The following PLEKHG3 variants were observed in gnomAD, a reference collection of about 807,000 sequenced individuals.
PLEKHG3 encodes pleckstrin homology and RhoGEF domain containing G3.
A neutral mutation model predicts 94.9 loss-of-function variants in PLEKHG3; 62 were observed. The observed-to-expected ratio is 0.65, with a 90% CI of 0.53 to 0.81. PLEKHG3 has a LOEUF of 0.81. Ranked by LOEUF, PLEKHG3 falls within the 30% of genes least tolerant of loss-of-function variation. The pLI is 0.00. For synonymous variants in PLEKHG3, 614 were observed against 654.0 expected, an observed-to-expected ratio of 0.94 and a Z score of 0.93; for missense variants, 1,461 against 1,619.3, an observed-to-expected ratio of 0.90 and a Z score of 1.68.
chr14:64,749,969 G>A lies in PLEKHG3; in HGVS notation c.*6266G>A, dbSNP rs570507415. On this transcript the variant is annotated 3_prime_UTR_variant, in exon 17 of 17. Transcript: ENST00000247226. The surrounding 1 kb of genome is among the most constrained non-coding windows in gnomAD (Gnocchi z 4.7). ...CATCAACCCGAGCTTTCAAAGGCCA[G>A]GAAGGCCTCACCTCAGCTTAAAGAC... 13 of 1,614,206 alleles carry A rather than the reference G, an allele frequency of 8.1e-6. No individual in the cohort carries two copies. The East Asian group carries it at 2.2e-4, about 28-fold the overall frequency.
At position 64,728,031 on chromosome 14, in the gene PLEKHG3, C is replaced by T. The variant is rs757256013; in HGVS notation, c.351+49C>T. The T allele has an allele frequency of 5.4e-5, 66 of 1,218,712 alleles. 1 individual carries two copies. In the Admixed American group the frequency reaches 1.6e-3, roughly 29 times the overall value. 75.5% of individuals were successfully genotyped at this position (1,218,712 alleles called of 1,614,324 possible). A position where few individuals can be genotyped will look rare whatever the true frequency, so the allele number is the denominator to read the frequency against. Reference sequence around the variant, plus strand: ...ACAGTATTCTAGCAGAAGCCTGTTTCACCCTGGGAGGGAAGCTCTCAAAAG... The same window carrying T: ...ACAGTATTCTAGCAGAAGCCTGTTTTACCCTGGGAGGGAAGCTCTCAAAAG... On this transcript the variant is annotated intron_variant, in intron 2 of 16. Transcript: ENST00000247226. The surrounding 1 kb of genome is among the most constrained non-coding windows in gnomAD (Gnocchi z 5.9).
At chr14:64,710,521 A>G (rs1036814012) in intron 1 of PLEKHG3, among the ~76,000 whole-genome samples, 1 of 152,150 alleles carries the variant, frequency 6.6e-6, no homozygotes, top group Non-Finnish European at 1.5e-5. Context: ...GATAACAAAA[A>G]TTAGCTGGGC....
rs2081866402 is a variant in PLEKHG3 at position 64,747,556 on chromosome 14, G to A, written c.*3853G>A. 6.6e-6 allele frequency: 1 copy of A among 152,424 alleles called. No individual in the cohort carries two copies. 9.4% of individuals were successfully genotyped at this position (152,424 alleles called of 1,614,324 possible). On this transcript the variant is annotated 3_prime_UTR_variant, in exon 17 of 17. Coordinates refer to ENST00000247226, the MANE Select transcript of PLEKHG3 (RefSeq NM_001308147.2). ...CCTGTGGCTCCTGCCTGCTGCAGTT[G>A]GTGTCACCCTGACATATAGTGTCAG... is the stretch of plus-strand genomic sequence containing the variant.
chr14:64,727,508 C>CA lies in PLEKHG3; in HGVS notation c.-39-85_-39-84insA. The CA allele has an allele frequency of 2.4e-5, 11 of 464,648 alleles. No homozygotes were observed. The highest frequency in any genetic ancestry group is 2.5e-5 in the Non-Finnish European group (6 of 244,262). The allele number at this position is 464,648 out of a possible 1,614,324, so 28.8% of individuals were successfully genotyped here. A position where few individuals can be genotyped will look rare whatever the true frequency, so the allele number is the denominator to read the frequency against. ...ACTAAATAATACCTTCCCACCCCAC[C>CA]TGCCCCCACCCCTGGCAACCGTCCC... On this transcript the variant is annotated intron_variant, in intron 1 of 16. Coordinates refer to ENST00000247226, the MANE Select transcript of PLEKHG3 (RefSeq NM_001308147.2). This position sits in a 1 kb window ranked among gnomAD's most constrained non-coding sequence, Gnocchi z 6.0.
Position 64,742,969 on chromosome 14 carries a change from T to C in PLEKHG3, c.2939-13T>C. 3.7e-6 allele frequency: 6 copies of C among 1,613,150 alleles called. No individual in the cohort carries two copies. The highest frequency in any genetic ancestry group is 5.1e-6 in the Non-Finnish European group (6 of 1,179,852). On this transcript the variant is annotated splice_polypyrimidine_tract_variant and intron_variant, in intron 16 of 16. Coordinates refer to ENST00000247226, the MANE Select transcript of PLEKHG3 (RefSeq NM_001308147.2). ...CCGCCCCATGCTTCAGGCAGCTTGC[T>C]CTCTCCTCATAGGTAAGAGGAAGCC...
In PLEKHG3 at chr14:64,738,299, T is replaced by G; in HGVS notation, c.1405-443T>G. On this transcript the variant is annotated intron_variant, in intron 14 of 16. Coordinates refer to ENST00000247226, the MANE Select transcript of PLEKHG3 (RefSeq NM_001308147.2). This position sits in a 1 kb window ranked among gnomAD's most constrained non-coding sequence, Gnocchi z 4.8. ...TGCATGCCCACCCGAGGGCCCCCTC[T>G]GCTGCCCTCCTCACCCCACCCTGCC... The G allele has an allele frequency of 2.1e-6, 2 of 949,294 alleles. No individual in the cohort carries two copies. The highest frequency in any genetic ancestry group is 2.9e-6 in the Non-Finnish European group (2 of 690,800). 58.8% of individuals were successfully genotyped at this position (949,294 alleles called of 1,614,324 possible).
rs779527918 is a variant in PLEKHG3 at position 64,721,232 on chromosome 14, G to A, written c.-39-6361G>A. On this transcript the variant is annotated intron_variant, in intron 1 of 16. Transcript: ENST00000247226. The surrounding 1 kb of genome is among the most constrained non-coding windows in gnomAD (Gnocchi z 4.3). ...GATTGCTAAATGTGTATAGGCAGAG[G>A]GTCTGGGGACACATTCCAGGTTTGG... Among the ~76,000 whole-genome samples, 54 of 152,294 alleles carry A rather than the reference G, an allele frequency of 3.5e-4. No individual in the cohort carries two copies. The highest frequency in any genetic ancestry group is 6.3e-4 in the Non-Finnish European group (43 of 68,018).
chr14:64,719,077 A>G (rs1391869248), intron 1 of PLEKHG3, among the ~76,000 whole-genome samples: 1 of 152,130 alleles, frequency 6.6e-6, no homozygotes. Flanking sequence ...CCTGTTGGGT[A>G]TGGGTGTCAG....
Position 64,743,559 on chromosome 14 carries a change from C to T in PLEKHG3, c.3516C>T (p.Ala1172=). 1.2e-6 allele frequency: 2 copies of T among 1,612,920 alleles called. No individual in the cohort carries two copies. Among genetic ancestry groups the T allele is most frequent in the South Asian group, 1.1e-5 (1 of 91,078 alleles). The part of the protein sequence containing the change: ...SSGQGPSSPV[A]LLGQVQDFQQ... ...GCCAGGGACCAAGCTCACCGGTGGC[C>T]CTGCTGGGGCAGGTTCAGGACTTCC... The change falls in exon 17 of 17, where the codon GCC becomes GCT. Residue 1172 remains alanine (A), a synonymous_variant. Transcript: ENST00000247226. This position sits in a 1 kb window ranked among gnomAD's most constrained non-coding sequence, Gnocchi z 7.2.
chr14:64,733,165 T>TTC (rs1239311255), intron 12 of PLEKHG3, among the ~76,000 whole-genome samples: 1 of 78,580 alleles, frequency 1.3e-5, no homozygotes, highest in African/African-American at 5.6e-5. Context: ...TTTCTTTTTC[T>TTC]TTTTTTTTTT....
chr14:64,704,776 C>T lies in PLEKHG3; in HGVS notation c.-40+72C>T, dbSNP rs568729067. ...TAGGCTGAGCGGCGGTGCCGGCAGT[C>T]ACGCTGGGGCCCCAGTCCCTTCGCG... On this transcript the variant is annotated intron_variant, in intron 1 of 16. Coordinates refer to ENST00000247226, the MANE Select transcript of PLEKHG3 (RefSeq NM_001308147.2). This position sits in a 1 kb window ranked among gnomAD's most constrained non-coding sequence, Gnocchi z 5.6. 1.3e-5 allele frequency: 2 copies of T among 152,582 alleles called. No homozygotes were observed. The highest frequency in any genetic ancestry group is 4.1e-4 in the South Asian group (2 of 4,834). The allele number at this position is 152,582 out of a possible 1,614,324, so 9.5% of individuals were successfully genotyped here. A position where few individuals can be genotyped will look rare whatever the true frequency, so the allele number is the denominator to read the frequency against.
intron 12 of PLEKHG3, among the ~76,000 whole-genome samples, chr14:64,735,619 C>A (rs934713066): frequency 1.1e-4 from 17 of 152,092 alleles, no homozygotes; most frequent in African/African-American, 3.6e-4. Context: ...TGCAAAAAAA[C>A]AAAACAAAAC....
At chr14:64,736,922 G>A in intron 13 of PLEKHG3, 31 bp downstream of exon 13, 1 of 1,579,426 alleles carries the variant, frequency 6.3e-7, no homozygotes. Flanking sequence ...GCCATTCCCA[G>A]TGAGCGGGGG....
Position 64,743,141 on chromosome 14 carries a change from CCT to C in PLEKHG3, c.3100_3101del (p.Ser1034ArgfsTer18), listed in dbSNP as rs1463273591. ...AGGACCACCTCGCCTGGGGGCCGGC[CCT>C]CCGCCCGGAGCCCCCTCAGCCCCAC... On this transcript the variant is annotated frameshift_variant, in exon 17 of 17. Transcript: ENST00000247226. LOFTEE classifies it low-confidence loss of function (END_TRUNC). This position sits in a 1 kb window ranked among gnomAD's most constrained non-coding sequence, Gnocchi z 7.2. The C allele has an allele frequency of 1.9e-6, 3 of 1,611,458 alleles. No individual in the cohort carries two copies. The highest frequency in any genetic ancestry group is 2.5e-6 in the Non-Finnish European group (3 of 1,179,896).
intron 1 of PLEKHG3, among the ~76,000 whole-genome samples, chr14:64,712,353 C>T (rs2139361197): frequency 6.6e-6 from 1 of 151,294 alleles, no homozygotes; most frequent in East Asian, 1.9e-4. Flanking sequence ...TTGTCAATAT[C>T]TGCAAAAAAA....
intron 1 of PLEKHG3, among the ~76,000 whole-genome samples, chr14:64,724,830 T>C (rs1287348058): frequency 6.6e-6 from 1 of 152,096 alleles, no homozygotes; most frequent in East Asian, 1.9e-4. Flanking sequence ...AGTGCCTGAG[T>C]TCAAGTCCAG....
chr14:64,709,623 A>T (rs1381188149), intron 1 of PLEKHG3, among the ~76,000 whole-genome samples: 1 of 152,074 alleles, frequency 6.6e-6, no homozygotes, highest in Admixed American at 6.5e-5. Flanking sequence ...TGCAGGAGGA[A>T]TGAAGTCGAT....
At position 64,741,019 on chromosome 14, in the gene PLEKHG3, T is replaced by A; in HGVS notation, c.1519-17T>A. ...GGAGGCTTTTTACTCATGTGAGCCT[T>A]TTCTGCTATGTTTCAGGTTGAGCCG... On this transcript the variant is annotated splice_polypyrimidine_tract_variant and intron_variant, in intron 15 of 16. Coordinates refer to ENST00000247226, the MANE Select transcript of PLEKHG3 (RefSeq NM_001308147.2). 1 of 1,549,758 alleles carries A rather than the reference T, an allele frequency of 6.5e-7. No individual in the cohort carries two copies. Among genetic ancestry groups the A allele is most frequent in the Non-Finnish European group, 8.7e-7 (1 of 1,147,150 alleles).
At position 64,741,126 on chromosome 14, in the gene PLEKHG3, T is replaced by G. The variant is rs745777404; in HGVS notation, c.1609T>G (p.Ser537Ala). 29 of 1,613,862 alleles carry G rather than the reference T, an allele frequency of 1.8e-5. No homozygotes were observed. Among genetic ancestry groups the G allele is most frequent in the Non-Finnish European group, 2.4e-5 (28 of 1,179,968 alleles). ...CGAGGAGACGCCTTCAGACACAGAATCTCCAGAAGTCCTGGAGACACAGCT... is the reference window on the plus strand; with the variant it reads ...CGAGGAGACGCCTTCAGACACAGAAGCTCCAGAAGTCCTGGAGACACAGCT... The part of the protein sequence containing the change: ...SAEETPSDTE[S>A]PEVLETQLDA... The change falls in exon 16 of 17, where the codon TCT (serine) becomes GCT (alanine). Residue 537 changes from serine to alanine, a missense_variant. By Grantham distance (99) the Ser-to-Ala change is moderately conservative (BLOSUM62 1). Around this residue, in one of 3 missense-constraint regions of PLEKHG3, gnomAD observed 1,201 missense variants for 1,295.5 expected, o/e 0.93. Coordinates refer to ENST00000247226, the MANE Select transcript of PLEKHG3 (RefSeq NM_001308147.2).
Sources: allele counts gnomAD v4.1 joint callset (sites outside exome capture counted in the v4.1 genomes callset), GRCh38; gene constraint gnomAD v4.1.1; regional missense constraint gnomAD v4.1.1; non-coding constraint Gnocchi (gnomAD v3.1); transcripts MANE v1.5; gene names NCBI Gene and HGNC (gene_info 2026-07-23, HGNC 2026-07-21).